The following EVL variants were observed in gnomAD, a reference collection of about 807,000 sequenced individuals.
EVL encodes the protein Enah/Vasp-like.
Under a neutral mutation model 59.6 loss-of-function variants are expected in EVL, and 21 were observed. The observed-to-expected ratio is 0.35, with a 90% CI of 0.25 to 0.51. The LOEUF is 0.51. Ranked by LOEUF, EVL falls within the 20% of genes least tolerant of loss-of-function variation. The pLI, the probability that EVL is intolerant of heterozygous loss-of-function variation, is 0.97. For missense variants in EVL, 462 were observed against 546.6 expected, an observed-to-expected ratio of 0.85 and a Z score of 1.54; for synonymous variants, 198 against 203.5, an observed-to-expected ratio of 0.97 and a Z score of 0.23.
At chr14:100,064,120 C>T (rs1402049723), upstream of EVL, among the ~76,000 whole-genome samples, 3 of 152,150 alleles carry the variant, frequency 2.0e-5, no homozygotes, top group Non-Finnish European at 2.9e-5. Flanking sequence ...CATTAAAAGC[C>T]TTTTAAAATG....
At chr14:100,005,630 T>TACAC (rs35844160) in intron 1 of EVL, among the ~76,000 whole-genome samples, 3,764 of 143,706 alleles carry the variant, frequency 0.026, 61 homozygotes, top group Admixed American at 0.044. Context: ...GCCTTTTAAA[T>TACAC]ACACACACAC....
intron 1 of EVL, among the ~76,000 whole-genome samples, chr14:100,035,270 T>TG (rs145294312): frequency 0.019 from 2,882 of 149,236 alleles, 92 homozygotes; most frequent in African/African-American, 0.067. Context: ...GTTTATTATG[T>TG]GTTTTTTTTG....
chr14:100,089,314 A>G (rs2062514011), intron 2 of EVL, among the ~76,000 whole-genome samples: 1 of 152,246 alleles, frequency 6.6e-6, no homozygotes, highest in Non-Finnish European at 1.5e-5. Context: ...ACTATAGCCA[A>G]CAACTGTACG....
At chr14:100,129,106 C>T (rs1888268685) in intron 6 of EVL, among the ~76,000 whole-genome samples, 1 of 152,218 alleles carries the variant, frequency 6.6e-6, no homozygotes, top group African/African-American at 2.4e-5. Flanking sequence ...GTCCATTGCC[C>T]TTTCCACTGT....
At position 100,109,083 on chromosome 14, in the gene EVL, TG is replaced by T. The variant is rs756897496; in HGVS notation, c.358+11426del. ...TGGGACCATGTCCAGCAGTGAAGGC[TG>T]TGCATTGGCCTGAGCCCCTGGTCCC... On this transcript the variant is annotated intron_variant, in intron 3 of 13. Coordinates refer to ENST00000392920, the MANE Select transcript of EVL (RefSeq NM_016337.3). The surrounding 1 kb of genome is among the most constrained non-coding windows in gnomAD (Gnocchi z 4.3). Among the ~76,000 whole-genome samples the T allele has an allele frequency of 2.0e-5, 3 of 152,176 alleles. No individual in the cohort carries two copies. Among genetic ancestry groups the T allele is most frequent in the Non-Finnish European group, 2.9e-5 (2 of 68,022 alleles).
At chr14:100,062,255 A>G (rs1194946739), upstream of EVL, among the ~76,000 whole-genome samples, 1 of 151,988 alleles carries the variant, frequency 6.6e-6, no homozygotes, top group African/African-American at 2.4e-5. Flanking sequence ...CAAAACAAAA[A>G]TATGTAACAT....
In EVL at chr14:100,136,070, C is replaced by G. The variant is rs1888766052; in HGVS notation, c.964+102C>G. 3 of 1,343,890 alleles carry G rather than the reference C, an allele frequency of 2.2e-6. No homozygotes were observed. In the East Asian group the frequency reaches 6.9e-5, roughly 31 times the overall value. 83.2% of individuals were successfully genotyped at this position (1,343,890 alleles called of 1,614,324 possible). A position where few individuals can be genotyped will look rare whatever the true frequency, so the allele number is the denominator to read the frequency against. ...CTCTGATCCAGCCTCTTTAGTATGC[C>G]TGAGCAGAGGGCCAGGCCACAGGGA... On this transcript the variant is annotated intron_variant, in intron 9 of 13. Transcript: ENST00000392920.
intron 3 of EVL, among the ~76,000 whole-genome samples, chr14:100,102,012 A>G (rs1238991717): frequency 6.6e-6 from 1 of 151,888 alleles, no homozygotes; most frequent in African/African-American, 2.4e-5. Flanking sequence ...TAATTTTTGT[A>G]TTTTTAGTAG....
At chr14:100,053,022 C>A (rs995143548) in intron 1 of EVL, 7 of 152,168 alleles carry the variant, frequency 4.6e-5, no homozygotes, top group Admixed American at 3.9e-4. Flanking sequence ...TGAGAGCATG[C>A]ACATGTCTGG....
chr14:100,073,291 C>T (rs967074087), intron 1 of EVL, among the ~76,000 whole-genome samples: 5 of 151,340 alleles, frequency 3.3e-5, no homozygotes, highest in African/African-American at 9.7e-5. Context: ...TCTTGTGACA[C>T]TTTGCACGTA....
chr14:100,019,793 C>T, intron 1 of EVL: 1 of 1,150,458 alleles, frequency 8.7e-7, no homozygotes, highest in Non-Finnish European at 1.2e-6. Flanking sequence ...ACAAAAAAAA[C>T]AGGGTTCTTT....
At chr14:100,004,590 C>T (rs753799464) in intron 1 of EVL, among the ~76,000 whole-genome samples, 4 of 152,082 alleles carry the variant, frequency 2.6e-5, no homozygotes, top group East Asian at 1.9e-4. Flanking sequence ...TTGTGACTTA[C>T]ATACACCATT....
Position 99,972,024 on chromosome 14 carries a change from G to A in EVL, c.-29G>A. ...CGCCGCCGCCGCCGGGTCGCCCCTG[G>A]CCCGGCGCGCCCGTCCCCGGCAGCG... is the stretch of plus-strand genomic sequence containing the variant. On this transcript the variant is annotated 5_prime_UTR_variant, in exon 1 of 14. Transcript: ENST00000402714. The surrounding 1 kb of genome is among the most constrained non-coding windows in gnomAD (Gnocchi z 4.4). The A allele has an allele frequency of 4.8e-6, 1 of 209,078 alleles. No individual in the cohort carries two copies. The highest frequency in any genetic ancestry group is 9.4e-6 in the Non-Finnish European group (1 of 106,154). The allele number at this position is 209,078 out of a possible 1,614,324, so 13.0% of individuals were successfully genotyped here.
At chr14:100,018,798 C>T (rs1036815883) in intron 1 of EVL, among the ~76,000 whole-genome samples, 1 of 152,224 alleles carries the variant, frequency 6.6e-6, no homozygotes, top group African/African-American at 2.4e-5. Flanking sequence ...GATTTTCCTT[C>T]ATGGCGAGTC....
rs773907573 is a variant in EVL at position 100,123,570 on chromosome 14, C to T, written c.390C>T (p.Gly130=). 1.9e-6 allele frequency: 3 copies of T among 1,614,130 alleles called. No homozygotes were observed. The highest frequency in any genetic ancestry group is 3.3e-5 in the Admixed American group (2 of 60,020). Residue 130 remains glycine, a synonymous_variant, in exon 4 of 14, where the codon GGC becomes GGT. Transcript: ENST00000392920. ...GPSSQRQVQN[G]PSPDEMDIQR... ...CCAGCCAGCGTCAGGTGCAGAATGG[C>T]CCCTCTCCTGATGAGATGGACATCC...
At chr14:100,113,032 G>A (rs1045365074) in intron 3 of EVL, among the ~76,000 whole-genome samples, 1 of 152,228 alleles carries the variant, frequency 6.6e-6, no homozygotes, top group Non-Finnish European at 1.5e-5. Flanking sequence ...GAGAACACAG[G>A]GCTTCTTGCA....
chr14:100,122,336 T>C (rs1213275984), intron 3 of EVL, among the ~76,000 whole-genome samples: 1 of 152,242 alleles, frequency 6.6e-6, no homozygotes, highest in South Asian at 2.1e-4. Context: ...GGGCAAGCCA[T>C]TTAGCCTTTC....
intron 1 of EVL, among the ~76,000 whole-genome samples, chr14:100,078,609 C>G (rs939416105): frequency 1.3e-5 from 2 of 151,934 alleles, no homozygotes; most frequent in Non-Finnish European, 2.9e-5. Flanking sequence ...ATGGAGAGAG[C>G]AAGTGACAAG....
In EVL at chr14:100,141,181, A is replaced by G. The variant is rs1889142329; in HGVS notation, c.1096A>G (p.Met366Val). The change falls in exon 12 of 14, where the codon ATG becomes GTG. Residue 366 changes from methionine to valine, a missense_variant and splice_region_variant. Transcript: ENST00000392920. ...ACCCACAGGCCCTTTCTCTCCCAGGATGAAGCCTGCTGGGAGCGTGAATGA... is the reference window on the plus strand; with the variant it reads ...ACCCACAGGCCCTTTCTCTCCCAGGGTGAAGCCTGCTGGGAGCGTGAATGA... ...SPLQSQPHSR[M>V]KPAGSVNDMA... 6.2e-7 allele frequency: 1 copy of G among 1,613,696 alleles called. No homozygotes were observed. The highest frequency in any genetic ancestry group is 8.5e-7 in the Non-Finnish European group (1 of 1,179,890).
Sources: allele counts gnomAD v4.1 joint callset (sites outside exome capture counted in the v4.1 genomes callset), GRCh38; gene constraint gnomAD v4.1.1; non-coding constraint Gnocchi (gnomAD v3.1); transcripts MANE v1.5; gene names NCBI Gene and HGNC (gene_info 2026-07-23, HGNC 2026-07-21).